Variants in VPS53 observed in about 807,000 individuals in gnomAD.
The protein encoded by VPS53 is VPS53 subunit of GARP complex.
VPS53 carries 70 observed loss-of-function variants against 107.0 expected under a neutral mutation model. That is an observed-to-expected ratio of 0.65 (90% CI 0.54 to 0.80). The LOEUF (loss-of-function observed/expected upper bound fraction) is 0.80. Ranked by LOEUF, VPS53 falls within the 30% of genes least tolerant of loss-of-function variation. The pLI, the probability that VPS53 is intolerant of heterozygous loss-of-function variation, is 0.00. For missense variants in VPS53, 917 were observed against 1,049.4 expected, an observed-to-expected ratio of 0.87 and a Z score of 1.74; for synonymous variants, 409 against 393.3, an observed-to-expected ratio of 1.04 and a Z score of -0.47.
intron 4 of VPS53, among the ~76,000 whole-genome samples, chr17:696,066 G>C (rs1972948904): frequency 6.6e-6 from 1 of 152,136 alleles, no homozygotes; most frequent in South Asian, 2.1e-4. Flanking sequence ...ACAAAACGAG[G>C]TAACGAGGGC....
intron 2 of VPS53, among the ~76,000 whole-genome samples, chr17:708,264 T>C (rs1289698208): frequency 6.6e-6 from 1 of 151,984 alleles, no homozygotes; most frequent in Non-Finnish European, 1.5e-5. Context: ...GGGTAAGGAG[T>C]GTGGGTCATC....
chr17:563,413 A>G (rs1168756541), intron 13 of VPS53, among the ~76,000 whole-genome samples: 1 of 149,018 alleles, frequency 6.7e-6, no homozygotes, highest in African/African-American at 2.5e-5. Flanking sequence ...CTCCTGCGTC[A>G]GCCTCCCATG....
chr17:675,451 C>G (rs1230968063), intron 4 of VPS53: 1 of 152,114 alleles, frequency 6.6e-6, no homozygotes, highest in Non-Finnish European at 1.5e-5. Context: ...CACCTTTTCT[C>G]CTGCTTTAAA....
At chr17:622,261 C>T (rs555611145) in intron 11 of VPS53, among the ~76,000 whole-genome samples, 8 of 152,124 alleles carry the variant, frequency 5.3e-5, no homozygotes, top group African/African-American at 1.7e-4. Flanking sequence ...ATAGTCTTTT[C>T]TTCTCATTTA....
chr17:585,445 C>T (rs1967260677), intron 13 of VPS53, among the ~76,000 whole-genome samples: 1 of 152,106 alleles, frequency 6.6e-6, no homozygotes, highest in Admixed American at 6.6e-5. Context: ...TCATTTGAGC[C>T]CAGGAGTTCC....
intron 8 of VPS53, among the ~76,000 whole-genome samples, chr17:628,666 C>T (rs1969818641): frequency 6.6e-6 from 1 of 152,176 alleles, no homozygotes; most frequent in African/African-American, 2.4e-5. Flanking sequence ...GCCACTCTTC[C>T]CTGACTCCAA....
At position 532,878 on chromosome 17, in the gene VPS53, G is replaced by A; in HGVS notation, c.2049C>T (p.Phe683=). ...CCACCATGCTAATTGGCTTGCACTT[G>A]AAGAGGTGGGTGATGAATTTGGGAA... ...SFIPKFITHL[F]KCKPISMVGA... The change falls in exon 19 of 22, where the codon TTC becomes TTT. Residue 683 remains phenylalanine, a synonymous_variant. Transcript: ENST00000437048. The A allele has an allele frequency of 1.2e-6, 2 of 1,614,070 alleles. No homozygotes were observed. Among genetic ancestry groups the A allele is most frequent in the Non-Finnish European group, 1.7e-6 (2 of 1,179,966 alleles).
chr17:710,005 C>T (rs1175056828), intron 2 of VPS53, among the ~76,000 whole-genome samples: 1 of 151,926 alleles, frequency 6.6e-6, no homozygotes, highest in Non-Finnish European at 1.5e-5. Flanking sequence ...ATTAGCCAGG[C>T]GTGATGGTGG....
In VPS53 at chr17:706,314, A is replaced by G. The variant is rs372915852; in HGVS notation, c.168+4219T>C. 3.0e-4 allele frequency among the ~76,000 whole-genome samples: 46 copies of G among 152,212 alleles called. No homozygotes were observed. The South Asian group carries it at 9.5e-3, about 32-fold the overall frequency. ...AGCACTTTGGGAGGTCAAGGTGGGC[A>G]GATCACAAGGTCAAGAGATTGAAAC... On this transcript the variant is annotated intron_variant, in intron 2 of 21. Coordinates refer to ENST00000437048, the MANE Select transcript of VPS53 (RefSeq NM_001128159.3).
At chr17:536,928 T>A in intron 18 of VPS53, 100 bp downstream of exon 18, 1 of 1,465,090 alleles carries the variant, frequency 6.8e-7, no homozygotes, top group Non-Finnish European at 9.3e-7. Context: ...GAAATCTCTG[T>A]GCTTGCTGCT....
intron 17 of VPS53, among the ~76,000 whole-genome samples, chr17:539,524 C>A (rs920934284): frequency 6.6e-6 from 1 of 152,178 alleles, no homozygotes; most frequent in Admixed American, 6.5e-5. Flanking sequence ...TACTAGAAAA[C>A]AATAAAAGGT....
At chr17:656,754 A>G (rs1414936924) in intron 5 of VPS53, 1 of 891,230 alleles carries the variant, frequency 1.1e-6, no homozygotes, top group African/African-American at 1.8e-5. Flanking sequence ...CATTATTTTT[A>G]ATTACGTACA....
chr17:701,367 A>G (rs1259039184), intron 2 of VPS53, among the ~76,000 whole-genome samples: 2 of 151,700 alleles, frequency 1.3e-5, no homozygotes, highest in Admixed American at 6.6e-5. Flanking sequence ...TAATTTATAT[A>G]TAATTATATA....
chr17:672,175 ATCTCTCTCTCTCTCTCTCTC>A (rs10539620), intron 4 of VPS53, among the ~76,000 whole-genome samples: 1 of 107,068 alleles, frequency 9.3e-6, no homozygotes, highest in African/African-American at 3.4e-5. Context: ...CACAATCTCA[ATCTCTCTCTCTCTCTCTCTC>A]TCTCTCTCTC....
chr17:583,090 T>TC (rs1967129754), intron 13 of VPS53, among the ~76,000 whole-genome samples: 1 of 146,344 alleles, frequency 6.8e-6, no homozygotes, highest in African/African-American at 2.6e-5. Flanking sequence ...CCTCACAACC[T>TC]AATGCGTTCC....
At chr17:525,006 CAA>C (rs1909026189) in intron 19 of VPS53, among the ~76,000 whole-genome samples, 1 of 152,098 alleles carries the variant, frequency 6.6e-6, no homozygotes, top group South Asian at 2.1e-4. Flanking sequence ...TTTATAAAAG[CAA>C]AAGTTTGGAA....
intron 12 of VPS53, among the ~76,000 whole-genome samples, chr17:598,410 G>T (rs1316688421): frequency 6.6e-6 from 1 of 151,732 alleles, no homozygotes; most frequent in Non-Finnish European, 1.5e-5. Flanking sequence ...AAGCGTCTCT[G>T]CCTGGCCGCC....
Position 583,239 on chromosome 17 carries a change from C to T in VPS53, c.1313+3031G>A, listed in dbSNP as rs72477037. 2.0e-3 allele frequency among the ~76,000 whole-genome samples: 302 copies of T among 149,830 alleles called. 7 individuals are homozygous for T. The East Asian group carries it at 0.055, about 27-fold the overall frequency. ...GAACCTCAGTGAGTTCCCAGAGAAC[C>T]TCCTTCGGAACCTCAGTGCATTCCC... On this transcript the variant is annotated intron_variant, in intron 13 of 21. Transcript: ENST00000437048.
At chr17:681,351 G>A (rs1219323958) in intron 4 of VPS53, among the ~76,000 whole-genome samples, 1 of 152,170 alleles carries the variant, frequency 6.6e-6, no homozygotes, top group Non-Finnish European at 1.5e-5. Flanking sequence ...TGGTCAGGGT[G>A]GTCTCGAACT....
Sources: allele counts gnomAD v4.1 joint callset (sites outside exome capture counted in the v4.1 genomes callset), GRCh38; gene constraint gnomAD v4.1.1; transcripts MANE v1.5; gene names NCBI Gene and HGNC (gene_info 2026-07-23, HGNC 2026-07-21).